The following SIGIRR variants were observed in gnomAD, a reference collection of about 807,000 sequenced individuals.
SIGIRR encodes the protein single Ig IL-1-related receptor.
SIGIRR carries 41 observed loss-of-function variants against 45.6 expected under a neutral mutation model. The ratio of observed to expected loss-of-function variants is 0.90; its 90% CI spans 0.70 to 1.17. The LOEUF is 1.17. Among genes scored for constraint, SIGIRR ranks in the 50% most tolerant of loss-of-function variants. SIGIRR has a pLI of 0.00. For synonymous variants in SIGIRR, 298 were observed against 239.0 expected (o/e 1.25, Z -2.28); for missense variants, 599 against 539.6 (o/e 1.11, Z -1.09).
In SIGIRR at chr11:405,767, C is replaced by T; in HGVS notation, c.*129G>A. On this transcript the variant is annotated 3_prime_UTR_variant, in exon 10 of 10. Transcript: ENST00000431843. ...GGCACTGGGAGGCGCCCTGAGGCCACAGCCTTTTCCCAGGGCTGCTGGCAG... is the reference window on the plus strand; with the variant it reads ...GGCACTGGGAGGCGCCCTGAGGCCATAGCCTTTTCCCAGGGCTGCTGGCAG... 8.3e-7 allele frequency: 1 copy of T among 1,199,876 alleles called. No individual in the cohort carries two copies. Among genetic ancestry groups the T allele is most frequent in the Non-Finnish European group, 1.1e-6 (1 of 875,068 alleles). 74.3% of individuals were successfully genotyped at this position (1,199,876 alleles called of 1,614,324 possible).
chr11:413,356 A>AG (rs901754625), intron 1 of SIGIRR, among the ~76,000 whole-genome samples: 1 of 151,938 alleles, frequency 6.6e-6, no homozygotes, highest in African/African-American at 2.4e-5. Flanking sequence ...TTTGCGGTGG[A>AG]GGACACTCCA....
intron 6 of SIGIRR, 23 bp downstream of exon 6, chr11:407,402 G>GCA: frequency 8.2e-7 from 1 of 1,217,180 alleles, no homozygotes; most frequent in Non-Finnish European, 1.1e-6. Context: ...GGTGGGCGGG[G>GCA]CACGGGGTGG....
chr11:406,961 CG>C lies in SIGIRR; in HGVS notation c.760del (p.Arg254AlafsTer30). The C allele has an allele frequency of 6.2e-7, 1 of 1,601,302 alleles. No homozygotes were observed. On this transcript the variant is annotated frameshift_variant, in exon 8 of 10. Coordinates refer to ENST00000431843, the MANE Select transcript of SIGIRR (RefSeq NM_001135054.2). LOFTEE classifies it high-confidence loss of function. ...CTCGAAGGTGATGAAGATGGGTCTGCGGGTGAGCTCCAGCAGCCGGCACAGG... is the reference window on the plus strand; with the variant it reads ...CTCGAAGGTGATGAAGATGGGTCTGCGGTGAGCTCCAGCAGCCGGCACAGG... ...EGLCRLLELT[R>X]RPIFITFEGQ... is the part of the protein sequence containing the mutation.
At chr11:407,314 G>A in intron 6 of SIGIRR, 111 bp downstream of exon 6, 7 of 832,404 alleles carry the variant, frequency 8.4e-6, no homozygotes, top group South Asian at 2.0e-5. Context: ...GGGTGGGCGG[G>A]GATGGGGGCG....
intron 2 of SIGIRR, chr11:409,643 A>G (rs1051076012): frequency 4.8e-5 from 21 of 441,036 alleles, no homozygotes; most frequent in African/African-American, 2.2e-4. Context: ...ACTGACCCTC[A>G]TGAGCCTGGT....
chr11:415,787 C>G (rs558700630), upstream of SIGIRR, among the ~76,000 whole-genome samples: 1 of 152,346 alleles, frequency 6.6e-6, no homozygotes, highest in East Asian at 1.9e-4. This position sits in a 1 kb window ranked among gnomAD's most constrained non-coding sequence, Gnocchi z 6.6. Context: ...TGTCACCAAA[C>G]TGACACTCCC....
rs890041022 is a variant in SIGIRR at position 409,866 on chromosome 11, A to G, written c.7+2T>C. ...AAGCCCATCCCTCTCTGACCTGCCT[A>G]CCTGGCATGGCTCTGAGCCGGGGCC... On this transcript the variant is annotated splice_donor_variant, in intron 2 of 9. Coordinates refer to ENST00000431843, the MANE Select transcript of SIGIRR (RefSeq NM_001135054.2). LOFTEE classifies it high-confidence loss of function. The G allele has an allele frequency of 2.3e-6, 3 of 1,330,300 alleles. No homozygotes were observed. The highest frequency in any genetic ancestry group is 2.9e-6 in the Non-Finnish European group (3 of 1,033,888). 82.4% of individuals were successfully genotyped at this position (1,330,300 alleles called of 1,614,324 possible).
At position 407,556 on chromosome 11, in the gene SIGIRR, T is replaced by C. The variant is rs1443818154; in HGVS notation, c.494A>G (p.Tyr165Cys). 2.2e-5 allele frequency: 35 copies of C among 1,608,220 alleles called. No individual in the cohort carries two copies. The highest frequency in any genetic ancestry group is 3.0e-5 in the Non-Finnish European group (35 of 1,177,412). ...GEVEINDGKL[Y>C]DAYVSYSDCP... is the part of the protein sequence containing the mutation. ...GTCGCTGTAGGAGACGTAGGCGTCG[T>C]AGAGCTTCCCGTCTGCGGACGGCGG... The change falls in exon 6 of 10, where the codon TAC becomes TGC. Residue 165 changes from tyrosine to cysteine, a missense_variant. Physicochemically the swap from Tyr to Cys is radical, Grantham distance 194 (BLOSUM62 -2). Coordinates refer to ENST00000431843, the MANE Select transcript of SIGIRR (RefSeq NM_001135054.2).
upstream of SIGIRR, among the ~76,000 whole-genome samples, chr11:417,111 C>G (rs927995956): frequency 6.6e-6 from 1 of 152,186 alleles, no homozygotes; most frequent in African/African-American, 2.4e-5. The surrounding 1 kb of genome is among the most constrained non-coding windows in gnomAD (Gnocchi z 4.2). Flanking sequence ...CCTTCGCCCA[C>G]TTTCCTCCCT....
Position 407,115 on chromosome 11 carries a change from G to T in SIGIRR, c.675C>A (p.Ile225=). 9.7e-6 allele frequency: 15 copies of T among 1,544,470 alleles called. No homozygotes were observed. In the Admixed American group the frequency reaches 1.1e-4, roughly 12 times the overall value. ...LVNLSRCRRL[I]VVLSDAFLSR... ...TCAGGAAGGCGTCCGAAAGCACCACGATGAGGCGTCGGCAGCGGCTCAGGT... is the reference window on the plus strand; with the variant it reads ...TCAGGAAGGCGTCCGAAAGCACCACTATGAGGCGTCGGCAGCGGCTCAGGT... The change falls in exon 7 of 10, where the codon ATC becomes ATA. Residue 225 remains isoleucine (I), a synonymous_variant. Coordinates refer to ENST00000431843, the MANE Select transcript of SIGIRR (RefSeq NM_001135054.2).
In SIGIRR at chr11:406,425, C is replaced by T. The variant is rs748749348; in HGVS notation, c.993G>A (p.Met331Ile). 1.9e-6 allele frequency: 3 copies of T among 1,612,774 alleles called. No individual in the cohort carries two copies. Among genetic ancestry groups the T allele is most frequent in the Non-Finnish European group, 2.5e-6 (3 of 1,179,924 alleles). The stretch of plus-strand genomic sequence containing the variant: ...CAGGGACTCGGCCTCGAAGAATCAG[C>T]ATGGGGTCCTTGTCGTCCTGCAGCT... ...QTQLQDDKDP[M>I]LILRGRVPEG... Residue 331 changes from methionine to isoleucine, a missense_variant, in exon 9 of 10, where the codon ATG becomes ATA. Physicochemically the swap from Met to Ile is conservative, Grantham distance 10. Transcript: ENST00000431843.
chr11:415,330 T>TG (rs1224751178), upstream of SIGIRR, among the ~76,000 whole-genome samples: 1 of 121,804 alleles, frequency 8.2e-6, no homozygotes, highest in Non-Finnish European at 1.8e-5. The surrounding 1 kb of genome is among the most constrained non-coding windows in gnomAD (Gnocchi z 6.6). Flanking sequence ...TGTTGTGGGG[T>TG]GGGGGGTGCT....
intron 1 of SIGIRR, 137 bp downstream of exon 1, chr11:414,686 C>G (rs201118204): frequency 1.9e-6 from 1 of 516,792 alleles, no homozygotes; most frequent in African/African-American, 2.1e-5. Flanking sequence ...GCCGCTGATG[C>G]GACACAGCCT....
At chr11:409,668 G>A in intron 2 of SIGIRR, 200 bp downstream of exon 2, 1 of 475,538 alleles carries the variant, frequency 2.1e-6, no homozygotes, top group South Asian at 6.7e-5. Flanking sequence ...GGCAGGAGAG[G>A]GTGCAGGGCT....
At position 410,013 on chromosome 11, in the gene SIGIRR, T is replaced by C; in HGVS notation, c.-139A>G. ...CTTGCAGTCAGCTGGACAGGGCACC[T>C]GGACAGGTCAGAGGCTGCCGCCATC... is the stretch of plus-strand genomic sequence containing the variant. On this transcript the variant is annotated 5_prime_UTR_variant, in exon 2 of 10. Transcript: ENST00000431843. 8.0e-7 allele frequency: 1 copy of C among 1,243,034 alleles called. No homozygotes were observed. The highest frequency in any genetic ancestry group is 1.5e-5 in the African/African-American group (1 of 64,564). The allele number at this position is 1,243,034 out of a possible 1,614,324, so 77.0% of individuals were successfully genotyped here. A position where few individuals can be genotyped will look rare whatever the true frequency, so the allele number is the denominator to read the frequency against.
chr11:409,340 G>A (rs1030158204), intron 2 of SIGIRR: 1 of 314,698 alleles, frequency 3.2e-6, no homozygotes, highest in Non-Finnish European at 6.3e-6. Context: ...GTGGGTTTGG[G>A]GACCCAGATG....
upstream of SIGIRR, among the ~76,000 whole-genome samples, chr11:415,368 A>G (rs7932571): frequency 0.87 from 131,059 of 150,772 alleles, 57,358 homozygotes; most frequent in East Asian, 1. The surrounding 1 kb of genome is among the most constrained non-coding windows in gnomAD (Gnocchi z 6.6). Context: ...GGGGTAATGC[A>G]TGGGGGGTCC....
chr11:412,741 G>C lies in SIGIRR; in HGVS notation c.-154+2082C>G, dbSNP rs1424388508. Among the ~76,000 whole-genome samples the C allele has an allele frequency of 2.7e-5, 4 of 149,226 alleles. No homozygotes were observed. In the East Asian group the frequency reaches 7.9e-4, roughly 30 times the overall value. The stretch of plus-strand genomic sequence containing the variant: ...GGATGCAGTCGAGGGGGGGTGCCCA[G>C]CTCTGGCCCACGTCTGGTTACAGTC... On this transcript the variant is annotated intron_variant, in intron 1 of 9. Coordinates refer to ENST00000431843, the MANE Select transcript of SIGIRR (RefSeq NM_001135054.2).
At chr11:414,741 C>G in intron 1 of SIGIRR, 82 bp downstream of exon 1, 1 of 889,942 alleles carries the variant, frequency 1.1e-6, no homozygotes, top group Non-Finnish European at 1.3e-6. Flanking sequence ...CACACACATG[C>G]ATATGGGTCT....
Sources: allele counts gnomAD v4.1 joint callset (sites outside exome capture counted in the v4.1 genomes callset), GRCh38; gene constraint gnomAD v4.1.1; non-coding constraint Gnocchi (gnomAD v3.1); transcripts MANE v1.5; gene names NCBI Gene and HGNC (gene_info 2026-07-23, HGNC 2026-07-21).